KCNIP4: variants seen among roughly 807,000 people sequenced by gnomAD.
KCNIP4 encodes potassium voltage-gated channel interacting protein 4.
A neutral mutation model predicts 34.0 loss-of-function variants in KCNIP4; 12 were observed. That is an observed-to-expected ratio of 0.35 (90% CI 0.23 to 0.57). KCNIP4 has a LOEUF of 0.57. Ranked by LOEUF, KCNIP4 falls within the 20% of genes least tolerant of loss-of-function variation. The pLI is 0.83. For missense variants in KCNIP4, 238 were observed against 311.7 expected, an observed-to-expected ratio of 0.76 and a Z score of 1.78; for synonymous variants, 124 against 102.2, an observed-to-expected ratio of 1.21 and a Z score of -1.29.
At chr4:21,736,603 A>T (rs1015764058) in intron 1 of KCNIP4, among the ~76,000 whole-genome samples, 76 of 152,170 alleles carry the variant, frequency 5.0e-4, no homozygotes, top group Admixed American at 2.1e-3. Flanking sequence ...GACAAACTCA[A>T]ATTCAGACAT....
intron 5 of KCNIP4, among the ~76,000 whole-genome samples, chr4:20,741,350 A>C (rs1425771923): frequency 6.6e-6 from 1 of 152,234 alleles, no homozygotes; most frequent in African/African-American, 2.4e-5. Flanking sequence ...ATGTAAAAGA[A>C]CAGAAATTAT....
At chr4:20,962,048 G>A (rs1486239835) in intron 1 of KCNIP4, among the ~76,000 whole-genome samples, 1 of 152,078 alleles carries the variant, frequency 6.6e-6, no homozygotes, top group African/African-American at 2.4e-5. Context: ...TTCCTCCTTG[G>A]GGAGGAATGA....
rs551185736 is a variant in KCNIP4, at chr4:21,055,659, C to T, written c.62-172950G>A. 2.6e-5 allele frequency among the ~76,000 whole-genome samples: 4 copies of T among 152,242 alleles called. No individual in the cohort carries two copies. The South Asian group carries it at 8.3e-4, about 32-fold the overall frequency. ...TGAGTTCCTATATTTAATTCATTCT[C>T]CCTATTACTAAGTGAAGGAAGACAG... On this transcript the variant is annotated intron_variant, in intron 1 of 8. Coordinates refer to ENST00000382152, the MANE Select transcript of KCNIP4 (RefSeq NM_025221.6).
intron 1 of KCNIP4, among the ~76,000 whole-genome samples, chr4:21,544,136 A>C (rs566641495): frequency 1.6e-4 from 25 of 152,174 alleles, no homozygotes; most frequent in Middle Eastern, 6.8e-3. Flanking sequence ...TGCATGAATA[A>C]ACTCTTCAAA....
chr4:21,529,314 C>T (rs1736467034), intron 1 of KCNIP4, among the ~76,000 whole-genome samples: 1 of 152,080 alleles, frequency 6.6e-6, no homozygotes, highest in Admixed American at 6.6e-5. Context: ...GTGCAAAATA[C>T]ATTAAGAACA....
At chr4:21,179,955 C>CATGG (rs1393543607) in intron 1 of KCNIP4, among the ~76,000 whole-genome samples, 2 of 152,154 alleles carry the variant, frequency 1.3e-5, no homozygotes, top group African/African-American at 2.4e-5. Flanking sequence ...GAGCCCCCAT[C>CATGG]ATGGGTCATG....
chr4:20,775,653 G>C (rs1415673760), intron 3 of KCNIP4, among the ~76,000 whole-genome samples: 1 of 152,110 alleles, frequency 6.6e-6, no homozygotes, highest in African/African-American at 2.4e-5. Context: ...AGGCTGCAGT[G>C]AGCTATGATT....
At chr4:21,577,065 C>T (rs1342577149) in intron 1 of KCNIP4, among the ~76,000 whole-genome samples, 2 of 152,048 alleles carry the variant, frequency 1.3e-5, no homozygotes, top group African/African-American at 4.8e-5. Context: ...ATAAATACCA[C>T]CCCATAAATG....
chr4:20,799,511 C>T lies in KCNIP4; in HGVS notation c.289-40621G>A, dbSNP rs992621046. Among the ~76,000 whole-genome samples the T allele has an allele frequency of 2.6e-5, 4 of 152,290 alleles. No individual in the cohort carries two copies. In the South Asian group the frequency reaches 6.2e-4, roughly 24 times the overall value. ...ATCTCCAGGACAAAGAGCCACAGTT[C>T]CTGCATACCTGTAACTGGACTAACC... On this transcript the variant is annotated intron_variant, in intron 3 of 8. Transcript: ENST00000382152.
chr4:21,287,150 C>T (rs1385250519), intron 1 of KCNIP4, among the ~76,000 whole-genome samples: 1 of 152,130 alleles, frequency 6.6e-6, no homozygotes, highest in Non-Finnish European at 1.5e-5. Flanking sequence ...TACTGTTGCT[C>T]CAGTAGTGCT....
chr4:21,828,409 G>T (rs1451825537), intron 1 of KCNIP4, among the ~76,000 whole-genome samples: 5 of 151,738 alleles, frequency 3.3e-5, no homozygotes, highest in African/African-American at 1.2e-4. Context: ...TTTAGATGAA[G>T]ATAATAGGAG....
At chr4:21,606,547 T>C (rs1743690591) in intron 1 of KCNIP4, among the ~76,000 whole-genome samples, 1 of 152,134 alleles carries the variant, frequency 6.6e-6, no homozygotes, top group Non-Finnish European at 1.5e-5. Flanking sequence ...CCCAGTGCTC[T>C]AGGGAGGAGT....
intron 1 of KCNIP4, among the ~76,000 whole-genome samples, chr4:21,884,361 C>A (rs774146310): frequency 3.3e-5 from 5 of 152,030 alleles, no homozygotes; most frequent in Non-Finnish European, 7.4e-5. Context: ...TCAGGAGGAG[C>A]ACTTCCAGAC....
chr4:21,046,415 G>C (rs1363978590), intron 1 of KCNIP4, among the ~76,000 whole-genome samples: 1 of 152,142 alleles, frequency 6.6e-6, no homozygotes, highest in African/African-American at 2.4e-5. Context: ...TGTCCTGGCT[G>C]TGAAGATAGC....
chr4:21,133,839 G>A (rs1480650341), intron 1 of KCNIP4, among the ~76,000 whole-genome samples: 2 of 152,110 alleles, frequency 1.3e-5, no homozygotes, highest in Non-Finnish European at 2.9e-5. Flanking sequence ...TTCAAAGAAG[G>A]AAACATACAC....
chr4:21,785,338 C>A (rs1719832690), intron 1 of KCNIP4, among the ~76,000 whole-genome samples: 1 of 151,578 alleles, frequency 6.6e-6, no homozygotes, highest in Non-Finnish European at 1.5e-5. Context: ...CACCTGTAAT[C>A]CCAGCACTTT....
chr4:20,882,859 G>GAA (rs5856585), intron 1 of KCNIP4, 150 bp from the exon 2 acceptor site: 84,875 of 436,800 alleles, frequency 0.19, 6,549 homozygotes, highest in South Asian at 0.32. Context: ...CCCCCGAAAG[G>GAA]AAAAAAAAAG....
chr4:21,917,021 G>T (rs1392929709), intron 1 of KCNIP4, among the ~76,000 whole-genome samples: 1 of 152,176 alleles, frequency 6.6e-6, no homozygotes, highest in Non-Finnish European at 1.5e-5. Context: ...CAACCTTGTG[G>T]CTTCTTTGCT....
intron 3 of KCNIP4, among the ~76,000 whole-genome samples, chr4:20,784,447 A>G (rs908405928): frequency 5.9e-5 from 9 of 152,206 alleles, no homozygotes; most frequent in African/African-American, 2.2e-4. Context: ...CAACTGGGAA[A>G]TAATATTCTT....
Sources: allele counts gnomAD v4.1 joint callset (sites outside exome capture counted in the v4.1 genomes callset), GRCh38; gene constraint gnomAD v4.1.1; transcripts MANE v1.5; gene names NCBI Gene and HGNC (gene_info 2026-07-23, HGNC 2026-07-21).